Variants in HSPA12A observed in about 807,000 individuals in gnomAD.
HSPA12A encodes heat shock 70 kDa protein 12A.
Under a neutral mutation model 69.2 loss-of-function variants are expected in HSPA12A, and 28 were observed. The observed-to-expected ratio is 0.40, with a 90% CI of 0.30 to 0.55. The LOEUF (loss-of-function observed/expected upper bound fraction) is 0.55. Among genes scored for constraint, HSPA12A ranks in the 20% least tolerant of loss-of-function variants. The pLI is 0.38. For synonymous variants in HSPA12A, 345 were observed against 370.5 expected, an observed-to-expected ratio of 0.93 and a Z score of 0.79; for missense variants, 686 against 900.7, an observed-to-expected ratio of 0.76 and a Z score of 3.05.
chr10:116,838,077 C>T (rs997885741), intron 1 of HSPA12A, among the ~76,000 whole-genome samples: 2 of 152,104 alleles, frequency 1.3e-5, no homozygotes, highest in Non-Finnish European at 2.9e-5. Context: ...GATTTATATA[C>T]TCTCATGGGA....
In HSPA12A at chr10:116,705,275, C is replaced by A. The variant is rs782810800; in HGVS notation, c.130G>T (p.Asp44Tyr). The change falls in exon 3 of 12, where the codon GAC becomes TAC. Residue 44 changes from aspartate to tyrosine, a missense_variant. Physicochemically the swap from Asp to Tyr is radical, Grantham distance 160. Coordinates refer to ENST00000369209, the MANE Select transcript of HSPA12A (RefSeq NM_025015.3). ...TGTTCTGAGACGTTGGAGTCAGTGTCGTTCTGCAGATATACAGTGAGGCAT... is the reference window on the plus strand; with the variant it reads ...TGTTCTGAGACGTTGGAGTCAGTGTAGTTCTGCAGATATACAGTGAGGCAT... ...TPLSPSHIVN[D>Y]TDSNVSEQQS... is the part of the protein sequence containing the mutation. The A allele has an allele frequency of 1.2e-6, 2 of 1,614,122 alleles. No homozygotes were observed. The highest frequency in any genetic ancestry group is 1.7e-6 in the Non-Finnish European group (2 of 1,180,026).
At chr10:116,699,103 G>A (rs150167671) in intron 4 of HSPA12A, among the ~76,000 whole-genome samples, 25 of 151,644 alleles carry the variant, frequency 1.6e-4, no homozygotes, top group African/African-American at 4.6e-4. Flanking sequence ...TTCCACATTC[G>A]AACACACATG....
intron 5 of HSPA12A, among the ~76,000 whole-genome samples, chr10:116,694,731 T>G (rs1849836314): frequency 6.6e-6 from 1 of 152,114 alleles, no homozygotes; most frequent in Admixed American, 6.5e-5. Context: ...CACAGACACA[T>G]CCTCACGTGG....
At chr10:116,821,662 T>G (rs1014675693) in intron 2 of HSPA12A, among the ~76,000 whole-genome samples, 5 of 152,178 alleles carry the variant, frequency 3.3e-5, no homozygotes, top group African/African-American at 1.2e-4. Context: ...ATATGATAGA[T>G]GTGAAATCAT....
intron 2 of HSPA12A, among the ~76,000 whole-genome samples, chr10:116,791,426 T>C (rs1250211964): frequency 1.3e-5 from 2 of 152,166 alleles, no homozygotes; most frequent in African/African-American, 2.4e-5. Context: ...CCACCCAACA[T>C]ACTGGCTCCT....
chr10:116,720,835 C>T (rs566565672), intron 1 of HSPA12A, among the ~76,000 whole-genome samples: 1 of 152,284 alleles, frequency 6.6e-6, no homozygotes, highest in South Asian at 2.1e-4. Context: ...AAAGAGAAGG[C>T]CAATGCTAAA....
chr10:116,679,656 G>A lies in HSPA12A; in HGVS notation c.1133C>T (p.Ala378Val), dbSNP rs1554878297. Residue 378 changes from alanine (A) to valine (V), a missense_variant, in exon 10 of 12, where the codon GCC (alanine) becomes GTC (valine). Coordinates refer to ENST00000369209, the MANE Select transcript of HSPA12A (RefSeq NM_025015.3). ...AAACGCAATCATTAAGTCAACCCAG[G>A]CTGCAGGGCGTTTGATTTTGAATTG... ...IEQFKIKRPA[A>V]WVDLMIAFES... is the part of the protein sequence containing the mutation. 1 of 1,614,206 alleles carries A rather than the reference G, an allele frequency of 6.2e-7. No homozygotes were observed. Among genetic ancestry groups the A allele is most frequent in the East Asian group, 2.2e-5 (1 of 44,890 alleles).
At chr10:116,784,170 C>T (rs1844524214) in intron 2 of HSPA12A, among the ~76,000 whole-genome samples, 1 of 152,248 alleles carries the variant, frequency 6.6e-6, no homozygotes, top group South Asian at 2.1e-4. Flanking sequence ...AATCCCATTT[C>T]CTCTTCCTGG....
chr10:116,735,947 G>A (rs1006400766), intron 1 of HSPA12A, among the ~76,000 whole-genome samples: 1 of 152,062 alleles, frequency 6.6e-6, no homozygotes, highest in African/African-American at 2.4e-5. Flanking sequence ...CATAAGCCAA[G>A]ATCACGCCAC....
chr10:116,783,382 G>A (rs1844506337), intron 2 of HSPA12A, among the ~76,000 whole-genome samples: 2 of 152,220 alleles, frequency 1.3e-5, no homozygotes. Context: ...CACAGTGAGT[G>A]GGAAGAGGGA....
intron 6 of HSPA12A, among the ~76,000 whole-genome samples, chr10:116,684,894 C>T (rs1554879299): frequency 2.6e-5 from 4 of 152,056 alleles, no homozygotes; most frequent in African/African-American, 9.7e-5. Flanking sequence ...TCAAGAGGCC[C>T]TGGGACAACC....
Position 116,742,444 on chromosome 10 carries a change from C to T in HSPA12A, c.26G>A (p.Ser9Asn). 7.1e-7 allele frequency: 1 copy of T among 1,410,588 alleles called. No homozygotes were observed. The allele number at this position is 1,410,588 out of a possible 1,614,324, so 87.4% of individuals were successfully genotyped here. Residue 9 changes from serine to asparagine, a missense_variant, in exon 1 of 12, where the codon AGC (serine) becomes AAC (asparagine). By Grantham distance (46) the Ser-to-Asn change is conservative. Coordinates refer to ENST00000369209, the MANE Select transcript of HSPA12A (RefSeq NM_025015.3). ...CCTGCGCTCACCTCGGGGCCCGTCG[C>T]TGCCGCCGGCCTCCTTGTCCGCCAT... is the stretch of plus-strand genomic sequence containing the variant. MADKEAGG[S>N]DGPRETAPTS... is the part of the protein sequence containing the mutation.
At chr10:116,796,860 C>G (rs914294033) in intron 2 of HSPA12A, among the ~76,000 whole-genome samples, 5 of 150,884 alleles carry the variant, frequency 3.3e-5, no homozygotes, top group Non-Finnish European at 5.9e-5. Context: ...AGGTTCTTCA[C>G]ATCAGAAAAA....
At chr10:116,676,819 T>G (rs1163770798) in intron 10 of HSPA12A, among the ~76,000 whole-genome samples, 1 of 152,202 alleles carries the variant, frequency 6.6e-6, no homozygotes, top group Non-Finnish European at 1.5e-5. Context: ...GACCACACTT[T>G]GAACCCAACA....
intron 7 of HSPA12A, among the ~76,000 whole-genome samples, chr10:116,682,465 G>T (rs566176438): frequency 1.3e-4 from 19 of 150,560 alleles, no homozygotes; most frequent in East Asian, 4.0e-4. Context: ...TGGGGGGGGG[G>T]GCCATTTCCT....
chr10:116,735,140 CAAAT>C (rs1315127887), intron 1 of HSPA12A, among the ~76,000 whole-genome samples: 1 of 152,220 alleles, frequency 6.6e-6, no homozygotes, highest in African/African-American at 2.4e-5. Flanking sequence ...GCACAACAAA[CAAAT>C]AATTGTAAGT....
chr10:116,760,349 C>G (rs1221042075), intron 2 of HSPA12A, among the ~76,000 whole-genome samples: 1 of 152,014 alleles, frequency 6.6e-6, no homozygotes, highest in African/African-American at 2.4e-5. Context: ...TTTCACTCTC[C>G]CAGGCTGGTA....
At chr10:116,735,936 AC>A (rs1451222666) in intron 1 of HSPA12A, among the ~76,000 whole-genome samples, 1 of 152,112 alleles carries the variant, frequency 6.6e-6, no homozygotes, top group Admixed American at 6.5e-5. Flanking sequence ...AGCAGAGCTT[AC>A]ATAAGCCAAG....
At chr10:116,815,248 CAAAAAAAAAA>C (rs61008848) in intron 2 of HSPA12A, among the ~76,000 whole-genome samples, 1 of 102,108 alleles carries the variant, frequency 9.8e-6, no homozygotes, top group African/African-American at 3.8e-5. Context: ...ATCCAAAAGA[CAAAAAAAAAA>C]AAAAAAAAAA....
Sources: allele counts gnomAD v4.1 joint callset (sites outside exome capture counted in the v4.1 genomes callset), GRCh38; gene constraint gnomAD v4.1.1; transcripts MANE v1.5; gene names NCBI Gene and HGNC (gene_info 2026-07-23, HGNC 2026-07-21).